DYM: variants seen among roughly 807,000 people sequenced by gnomAD.
The protein encoded by DYM is dymeclin.
A neutral mutation model predicts 93.1 loss-of-function variants in DYM; 78 were observed. The observed-to-expected ratio is 0.84, with a 90% CI of 0.70 to 1.01. The LOEUF (loss-of-function observed/expected upper bound fraction) is 1.01. Among genes scored for constraint, DYM ranks in the 50% least tolerant of loss-of-function variants. DYM has a pLI of 0.00. For synonymous variants in DYM, 321 were observed against 319.7 expected (o/e 1.00, Z -0.04); for missense variants, 789 against 845.0 (o/e 0.93, Z 0.82).
At chr18:49,252,216 C>A (rs1420690726) in intron 13 of DYM, among the ~76,000 whole-genome samples, 13 of 27,236 alleles carry the variant, frequency 4.8e-4, no homozygotes, top group African/African-American at 4.3e-4. Context: ...AGACTTGCCT[C>A]AAAAAAAAAA....
chr18:49,262,451 AGTACTCAGTAACT>A (rs1294929198), intron 11 of DYM, among the ~76,000 whole-genome samples: 2 of 152,220 alleles, frequency 1.3e-5, no homozygotes, highest in Non-Finnish European at 2.9e-5. Flanking sequence ...TTATATCAGC[AGTACTCAGTAACT>A]GTGGTGGTCA....
At chr18:49,209,218 A>G (rs2146092959) in intron 14 of DYM, among the ~76,000 whole-genome samples, 1 of 152,342 alleles carries the variant, frequency 6.6e-6, no homozygotes, top group African/African-American at 2.4e-5. Context: ...GTAACTGTAG[A>G]GTCTATTTCA....
At position 49,209,538 on chromosome 18, in the gene DYM, A is replaced by G; in HGVS notation, c.1625+13T>C. On this transcript the variant is annotated intron_variant, in intron 14 of 17. Coordinates refer to ENST00000675505, the MANE Select transcript of DYM (RefSeq NM_001353214.3). ...ATGCAGCATGCAGTAAATGGACAGCAGAGGTTAATAACCTGGAAGCATAGG... is the reference window on the plus strand; with the variant it reads ...ATGCAGCATGCAGTAAATGGACAGCGGAGGTTAATAACCTGGAAGCATAGG... 1 of 1,287,834 alleles carries G rather than the reference A, an allele frequency of 7.8e-7. No individual in the cohort carries two copies. The highest frequency in any genetic ancestry group is 1.0e-6 in the Non-Finnish European group (1 of 987,682). 79.8% of individuals were successfully genotyped at this position (1,287,834 alleles called of 1,614,324 possible).
At chr18:49,061,311 C>A (rs1487908843) in intron 17 of DYM, among the ~76,000 whole-genome samples, 1 of 151,976 alleles carries the variant, frequency 6.6e-6, no homozygotes, top group East Asian at 1.9e-4. Context: ...AGGATTTGGG[C>A]ATGTGGAGGT....
intron 8 of DYM, among the ~76,000 whole-genome samples, chr18:49,327,442 G>A (rs1599450828): frequency 1.3e-5 from 2 of 151,806 alleles, no homozygotes; most frequent in Non-Finnish European, 1.5e-5. Flanking sequence ...CTGCAGCCTC[G>A]ACCTTCCAGG....
intron 15 of DYM, among the ~76,000 whole-genome samples, chr18:49,138,444 C>T (rs1469318872): frequency 6.6e-6 from 1 of 152,202 alleles, no homozygotes; most frequent in Non-Finnish European, 1.5e-5. Flanking sequence ...ATTCCCTCCA[C>T]CTCCTAGGGG....
intron 6 of DYM, among the ~76,000 whole-genome samples, chr18:49,341,998 T>C (rs969293273): frequency 6.6e-6 from 1 of 152,240 alleles, no homozygotes; most frequent in African/African-American, 2.4e-5. Context: ...TATCATACAG[T>C]CCTGGGAGTC....
At chr18:49,177,967 T>C (rs1219066735) in intron 14 of DYM, among the ~76,000 whole-genome samples, 1 of 152,132 alleles carries the variant, frequency 6.6e-6, no homozygotes, top group East Asian at 1.9e-4. Context: ...ATCATATATT[T>C]ACAGTAACTT....
intron 2 of DYM, among the ~76,000 whole-genome samples, chr18:49,413,513 T>A (rs1342278810): frequency 6.6e-6 from 1 of 152,224 alleles, no homozygotes; most frequent in African/African-American, 2.4e-5. Flanking sequence ...TTAAATTTTT[T>A]ATCATGTAAG....
At chr18:49,397,838 G>A (rs1050580527) in intron 2 of DYM, among the ~76,000 whole-genome samples, 1 of 152,074 alleles carries the variant, frequency 6.6e-6, no homozygotes, top group African/African-American at 2.4e-5. Context: ...TTCATATAAC[G>A]ATTATATCTG....
At chr18:49,216,491 G>A (rs2093052914) in intron 13 of DYM, among the ~76,000 whole-genome samples, 1 of 152,154 alleles carries the variant, frequency 6.6e-6, no homozygotes, top group Non-Finnish European at 1.5e-5. Context: ...CAGCCTAACT[G>A]GGAGGCACCC....
At chr18:49,131,598 T>C (rs890869390) in intron 15 of DYM, among the ~76,000 whole-genome samples, 5 of 152,138 alleles carry the variant, frequency 3.3e-5, no homozygotes, top group African/African-American at 1.2e-4. Context: ...ATTACTTCAT[T>C]AAAGGTCCTG....
chr18:49,054,489 C>T (rs370317088), intron 17 of DYM, among the ~76,000 whole-genome samples: 126 of 152,302 alleles, frequency 8.3e-4, no homozygotes, highest in African/African-American at 2.9e-3. Context: ...GTGATCTGCC[C>T]GCCTTGGCCT....
At chr18:49,270,975 C>G (rs1228780166) in intron 11 of DYM, among the ~76,000 whole-genome samples, 1 of 152,060 alleles carries the variant, frequency 6.6e-6, no homozygotes, top group Admixed American at 6.6e-5. Context: ...AAAAAATGGC[C>G]TGCAGGGACA....
chr18:49,412,593 C>A (rs1033332881), intron 2 of DYM, among the ~76,000 whole-genome samples: 9 of 152,104 alleles, frequency 5.9e-5, no homozygotes, highest in Non-Finnish European at 1.3e-4. Context: ...TGGTCACCAA[C>A]CAAGCAAACC....
At chr18:49,423,656 T>G (rs1205363991) in intron 2 of DYM, among the ~76,000 whole-genome samples, 1 of 151,998 alleles carries the variant, frequency 6.6e-6, no homozygotes, top group Non-Finnish European at 1.5e-5. Flanking sequence ...CTAGCAAGAC[T>G]AATAAAGAAG....
chr18:49,115,289 C>T (rs2053516), intron 16 of DYM, among the ~76,000 whole-genome samples: 19,846 of 151,922 alleles, frequency 0.13, 1,691 homozygotes, highest in African/African-American at 0.24. Flanking sequence ...AATATTGCAG[C>T]TACTGCAGCT....
intron 15 of DYM, among the ~76,000 whole-genome samples, chr18:49,149,352 A>G (rs921860205): frequency 2.0e-5 from 3 of 152,020 alleles, no homozygotes; most frequent in Non-Finnish European, 2.9e-5. Context: ...TACAAAGCTC[A>G]TTCCCTCTCC....
chr18:49,044,293 G>A (rs1437082020), intron 17 of DYM, 89 bp from the exon 18 acceptor site: 22 of 1,464,666 alleles, frequency 1.5e-5, no homozygotes, highest in Admixed American at 1.7e-5. Context: ...TGTGGTGTGC[G>A]GGGAGCCCAC....
Sources: gnomAD v4.1 joint callset for allele counts (sites outside exome capture counted in the v4.1 genomes callset) on GRCh38, gnomAD v4.1.1 for gene constraint, MANE v1.5 for transcripts, NCBI Gene and HGNC (gene_info 2026-07-23, HGNC 2026-07-21) for gene names.